The following DIAPH3 variants were observed in gnomAD, a reference collection of about 807,000 sequenced individuals.
The protein encoded by DIAPH3 is diaphanous related formin 3.
Under a neutral mutation model 144.3 loss-of-function variants are expected in DIAPH3, and 117 were observed. The observed-to-expected ratio is 0.81, with a 90% CI of 0.70 to 0.95. The LOEUF is 0.95. Ranked by LOEUF, DIAPH3 falls within the 40% of genes least tolerant of loss-of-function variation. The probability of loss-of-function intolerance (pLI) is 0.00; values close to 1 mark genes in which losing one functional copy is unlikely to be tolerated. For missense variants in DIAPH3, 1,421 were observed against 1,412.7 expected (o/e 1.01, Z -0.09); for synonymous variants, 519 against 488.9 (o/e 1.06, Z -0.81).
chr13:59,975,446 C>T (rs540432696), intron 14 of DIAPH3, among the ~76,000 whole-genome samples: 63 of 151,974 alleles, frequency 4.1e-4, no homozygotes, highest in Non-Finnish European at 8.7e-4. Flanking sequence ...GATTCCCCGC[C>T]TTCAGAGTCT....
intron 21 of DIAPH3, among the ~76,000 whole-genome samples, chr13:59,865,283 C>A (rs1344543082): frequency 6.6e-6 from 1 of 151,966 alleles, no homozygotes; most frequent in Non-Finnish European, 1.5e-5. Flanking sequence ...ACATTCTACT[C>A]CTACTCATAT....
In DIAPH3 at chr13:59,918,721, T is replaced by C. The variant is rs746300943; in HGVS notation, c.2171-2472A>G. Among the ~76,000 whole-genome samples the C allele has an allele frequency of 2.6e-5, 4 of 152,028 alleles. No individual in the cohort carries two copies. In the South Asian group the frequency reaches 6.2e-4, roughly 24 times the overall value. On this transcript the variant is annotated intron_variant, in intron 18 of 27. Coordinates refer to ENST00000400324, the MANE Select transcript of DIAPH3 (RefSeq NM_001042517.2). Reference sequence around the variant, plus strand: ...ACAGACTTACTGTTGAAAGATGACCTAAAATAAAGTCACACTGAGAAGAAT... The same window carrying C: ...ACAGACTTACTGTTGAAAGATGACCCAAAATAAAGTCACACTGAGAAGAAT...
intron 9 of DIAPH3, among the ~76,000 whole-genome samples, chr13:59,998,925 C>A (rs2052365609): frequency 6.6e-6 from 1 of 151,908 alleles, no homozygotes; most frequent in Non-Finnish European, 1.5e-5. Flanking sequence ...TAGTCCTTCA[C>A]TAAATGTGAG....
intron 9 of DIAPH3, among the ~76,000 whole-genome samples, chr13:60,001,224 A>AC (rs1406338312): frequency 6.6e-6 from 1 of 152,222 alleles, no homozygotes; most frequent in Non-Finnish European, 1.5e-5. Flanking sequence ...CTCCTACAGC[A>AC]CATCCTGCCA....
chr13:59,686,922 G>T (rs923677494), intron 27 of DIAPH3, among the ~76,000 whole-genome samples: 37 of 152,024 alleles, frequency 2.4e-4, no homozygotes, highest in African/African-American at 8.7e-4. Context: ...ACAAGTCATG[G>T]TATATAAAAC....
At chr13:59,829,098 A>G (rs1472048962) in intron 24 of DIAPH3, among the ~76,000 whole-genome samples, 1 of 151,982 alleles carries the variant, frequency 6.6e-6, no homozygotes, top group Non-Finnish European at 1.5e-5. Flanking sequence ...GAAGGGCTGT[A>G]TCTATACATA....
chr13:59,791,295 G>A (rs1236539698), intron 25 of DIAPH3, among the ~76,000 whole-genome samples: 2 of 152,058 alleles, frequency 1.3e-5, no homozygotes, highest in Non-Finnish European at 2.9e-5. Flanking sequence ...TAGGAAACAA[G>A]AGATACATAA....
intron 4 of DIAPH3, among the ~76,000 whole-genome samples, chr13:60,088,290 C>G (rs1170176662): frequency 6.6e-6 from 1 of 152,094 alleles, no homozygotes; most frequent in Non-Finnish European, 1.5e-5. Context: ...AAAATTCCCC[C>G]GAAAATCTCT....
intron 2 of DIAPH3, among the ~76,000 whole-genome samples, chr13:60,119,328 C>G (rs953792881): frequency 2.6e-5 from 4 of 152,168 alleles, no homozygotes; most frequent in African/African-American, 9.7e-5. Flanking sequence ...TCTTGAAAGT[C>G]CTGGTCAAGC....
Position 59,911,781 on chromosome 13 carries a change from T to C in DIAPH3, c.2321A>G (p.Lys774Arg), listed in dbSNP as rs761426641. ...TTCACATAAGTTGCTATATTCACTC[T>C]TGAACTGAGACAATGAATTTAATTG... The part of the protein sequence containing the change: ...QEQLNSLSQF[K>R]SEYSNLCEPE... Residue 774 changes from lysine to arginine, a missense_variant, in exon 20 of 28, where the codon AAG (lysine) becomes AGG (arginine). By Grantham distance (26) the Lys-to-Arg change is conservative. Transcript: ENST00000400324. The C allele has an allele frequency of 4.3e-6, 7 of 1,613,688 alleles. No homozygotes were observed. The highest frequency in any genetic ancestry group is 1.1e-5 in the South Asian group (1 of 91,062).
chr13:59,882,274 G>C (rs752830859), intron 20 of DIAPH3, among the ~76,000 whole-genome samples: 11 of 151,984 alleles, frequency 7.2e-5, no homozygotes, highest in Non-Finnish European at 1.3e-4. Flanking sequence ...ATTTTTAGTA[G>C]AGACAGTGTT....
chr13:60,026,146 C>T (rs35605720), intron 5 of DIAPH3, among the ~76,000 whole-genome samples: 1 of 152,248 alleles, frequency 6.6e-6, no homozygotes, highest in Middle Eastern at 3.4e-3. Context: ...GAGTTCTACT[C>T]TCTTATACAT....
chr13:59,968,843 T>A (rs1044157162), intron 17 of DIAPH3, among the ~76,000 whole-genome samples: 1 of 152,192 alleles, frequency 6.6e-6, no homozygotes, highest in East Asian at 1.9e-4. Flanking sequence ...AACAGATACA[T>A]AAAGCATCTA....
rs747901695 is a variant in DIAPH3, at chr13:60,093,666, CT to C, written c.456del (p.Glu153LysfsTer3). The C allele has an allele frequency of 1.2e-6, 2 of 1,612,690 alleles. No individual in the cohort carries two copies. Among genetic ancestry groups the C allele is most frequent in the Non-Finnish European group, 8.5e-7 (1 of 1,179,494 alleles). ...GTATTAATGTACTGCATCACCATTT[CT>C]TTTTTGATACTGAAGTCCTTTTCCC... is the stretch of plus-strand genomic sequence containing the variant. ...PLREKDFSIK[K>X]EMVMQYINTA... On this transcript the variant is annotated frameshift_variant, in exon 4 of 28. Transcript: ENST00000400324. LOFTEE classifies it high-confidence loss of function.
At chr13:60,053,948 T>C (rs912492535) in intron 4 of DIAPH3, among the ~76,000 whole-genome samples, 2 of 152,144 alleles carry the variant, frequency 1.3e-5, no homozygotes, top group Non-Finnish European at 2.9e-5. Flanking sequence ...TTTATCTGCC[T>C]AATGAAGTAT....
At chr13:60,162,404 G>C (rs1000914788) in intron 1 of DIAPH3, among the ~76,000 whole-genome samples, 1 of 152,154 alleles carries the variant, frequency 6.6e-6, no homozygotes, top group Non-Finnish European at 1.5e-5. Flanking sequence ...TGCCTTAGTG[G>C]ATTCTTCTCA....
chr13:60,068,376 G>A (rs2057058724), intron 4 of DIAPH3, among the ~76,000 whole-genome samples: 2 of 152,154 alleles, frequency 1.3e-5, no homozygotes, highest in Non-Finnish European at 1.5e-5. Context: ...GATACTGGTA[G>A]GTATAAAGTT....
In DIAPH3 at chr13:60,131,435, CAAAAAAAAAAA is replaced by C. The variant is rs777909368; in HGVS notation, c.213+1511_213+1521del. ...TGGACAACAGAGCGAGACCCTGTCT[CAAAAAAAAAAA>C]AAAAAAAAAAAAAACAAATGAAGTA... On this transcript the variant is annotated intron_variant, in intron 2 of 27. Coordinates refer to ENST00000400324, the MANE Select transcript of DIAPH3 (RefSeq NM_001042517.2). Among the ~76,000 whole-genome samples the C allele has an allele frequency of 3.8e-4, 11 of 29,302 alleles. 1 individual carries two copies. The East Asian group carries it at 7.7e-3, about 20-fold the overall frequency. The allele number at this position is 29,302 out of a possible 152,430, so 19.2% of individuals were successfully genotyped here. A position where few individuals can be genotyped will look rare whatever the true frequency, so the allele number is the denominator to read the frequency against.
chr13:59,911,952 T>C (rs781730974), intron 19 of DIAPH3, 116 bp from the exon 20 acceptor site: 35 of 836,216 alleles, frequency 4.2e-5, no homozygotes, highest in Non-Finnish European at 6.3e-5. Flanking sequence ...GTTTTATTTC[T>C]AGGTAACCTC....
Sources: allele counts gnomAD v4.1 joint callset (sites outside exome capture counted in the v4.1 genomes callset), GRCh38; gene constraint gnomAD v4.1.1; transcripts MANE v1.5; gene names NCBI Gene and HGNC (gene_info 2026-07-23, HGNC 2026-07-21).